Variants in PCDHGA5 observed in about 807,000 individuals in gnomAD.
PCDHGA5 encodes protocadherin gamma-A5.
A neutral mutation model predicts 56.7 loss-of-function variants in PCDHGA5; 36 were observed. The observed-to-expected ratio is 0.64, with a 90% CI of 0.49 to 0.84. The LOEUF is 0.84. Among genes scored for constraint, PCDHGA5 ranks in the 40% least tolerant of loss-of-function variants. PCDHGA5 has a pLI of 0.00. For missense variants in PCDHGA5, 1,305 were observed against 1,201.5 expected, an observed-to-expected ratio of 1.09 and a Z score of -1.27; for synonymous variants, 563 against 520.2, an observed-to-expected ratio of 1.08 and a Z score of -1.12.
chr5:141,409,183 C>G (rs1217234895), intron 1 of PCDHGA5: 6 of 1,614,028 alleles, frequency 3.7e-6, no homozygotes, highest in Non-Finnish European at 5.1e-6. Context: ...GAGGTGGTCT[C>G]TCTACCCAGT....
intron 1 of PCDHGA5, among the ~76,000 whole-genome samples, chr5:141,425,485 A>G (rs2096878362): frequency 6.6e-6 from 1 of 152,274 alleles, no homozygotes; most frequent in Non-Finnish European, 1.5e-5. Context: ...ATGGCAACCT[A>G]CTAGGCTATA....
intron 1 of PCDHGA5, among the ~76,000 whole-genome samples, chr5:141,458,201 T>C (rs973995736): frequency 6.6e-6 from 1 of 152,168 alleles, no homozygotes; most frequent in African/African-American, 2.4e-5. Context: ...AGGCCATAAA[T>C]AGTTTAAAAT....
intron 1 of PCDHGA5, chr5:141,384,094 G>T: frequency 6.3e-7 from 1 of 1,596,384 alleles, no homozygotes. Flanking sequence ...AAAATCAATA[G>T]ATAATTATTA....
intron 3 of PCDHGA5, among the ~76,000 whole-genome samples, chr5:141,507,784 T>C (rs2099863290): frequency 6.6e-6 from 1 of 152,136 alleles, no homozygotes; most frequent in Non-Finnish European, 1.5e-5. Context: ...GGCCTGACCC[T>C]CGTCTAAGCC....
chr5:141,387,929 A>C, intron 1 of PCDHGA5: 1 of 1,235,330 alleles, frequency 8.1e-7, no homozygotes, highest in Non-Finnish European at 1.1e-6. Flanking sequence ...AGAGGCTGCC[A>C]GTGCTCTTTC....
chr5:141,403,038 G>A, intron 1 of PCDHGA5: 1 of 1,614,088 alleles, frequency 6.2e-7, no homozygotes, highest in Non-Finnish European at 8.5e-7. Context: ...GCCAGGGCCA[G>A]TCAGATTCGC....
intron 1 of PCDHGA5, among the ~76,000 whole-genome samples, chr5:141,446,322 C>A (rs1561922470): frequency 2.0e-5 from 3 of 151,968 alleles, no homozygotes; most frequent in South Asian, 4.1e-4. Flanking sequence ...TGGGTTTCCA[C>A]ATTAAGGAAC....
chr5:141,370,759 T>A, intron 1 of PCDHGA5: 1 of 1,614,022 alleles, frequency 6.2e-7, no homozygotes, highest in Non-Finnish European at 8.5e-7. Context: ...GTAACTGTGC[T>A]GATCCAGGAT....
At chr5:141,421,224 T>G (rs1401875673) in intron 1 of PCDHGA5, 2 of 1,582,072 alleles carry the variant, frequency 1.3e-6, no homozygotes, top group Admixed American at 3.6e-5. Flanking sequence ...GCTTAGAGCC[T>G]GCCATGGCGA....
At chr5:141,482,205 C>T (rs1478729653) in intron 1 of PCDHGA5, among the ~76,000 whole-genome samples, 1 of 151,896 alleles carries the variant, frequency 6.6e-6, no homozygotes, top group Non-Finnish European at 1.5e-5. Context: ...TAAAACAGAC[C>T]AGGTACTTGT....
chr5:141,392,305 GT>G (rs148037308), intron 1 of PCDHGA5: 5,240 of 152,054 alleles, frequency 0.034, 107 homozygotes, highest in Middle Eastern at 0.088. Flanking sequence ...AAAGTATCAT[GT>G]TTTTTTTAAG....
intron 1 of PCDHGA5, among the ~76,000 whole-genome samples, chr5:141,456,250 C>T (rs1244300374): frequency 4.6e-5 from 7 of 152,014 alleles, no homozygotes; most frequent in African/African-American, 1.7e-4. Context: ...AGGCTTTGGG[C>T]GACCATTGCT....
chr5:141,494,909 T>G (rs764123148), intron 2 of PCDHGA5, 44 bp downstream of exon 2: 1 of 1,614,042 alleles, frequency 6.2e-7, no homozygotes, highest in Admixed American at 1.7e-5. Flanking sequence ...CTGCGGCATT[T>G]TCTCAGGGAT....
chr5:141,364,248 G>A lies in PCDHGA5; in HGVS notation c.-83G>A. 1 of 1,480,674 alleles carries A rather than the reference G, an allele frequency of 6.8e-7. No individual in the cohort carries two copies. 91.7% of individuals were successfully genotyped at this position (1,480,674 alleles called of 1,614,324 possible). On this transcript the variant is annotated 5_prime_UTR_variant, in exon 1 of 4. Coordinates refer to ENST00000518069, the MANE Select transcript of PCDHGA5 (RefSeq NM_018918.3). Reference sequence around the variant, plus strand: ...ACGCTCCACGCCCATTTTCGTCAGGGAATATGTACCCATCGGCTTTAGATA... The same window carrying A: ...ACGCTCCACGCCCATTTTCGTCAGGAAATATGTACCCATCGGCTTTAGATA...
chr5:141,481,913 C>CA (rs34114744), intron 1 of PCDHGA5, among the ~76,000 whole-genome samples: 1,134 of 90,654 alleles, frequency 0.013, 16 homozygotes, highest in East Asian at 0.053. Flanking sequence ...AACTCCATCT[C>CA]AAAAAAAAAA....
In PCDHGA5 at chr5:141,505,466, T is replaced by C. The variant is rs763151131; in HGVS notation, c.2554T>C (p.Leu852=). 1 of 1,614,200 alleles carries C rather than the reference T, an allele frequency of 6.2e-7. No individual in the cohort carries two copies. The highest frequency in any genetic ancestry group is 1.3e-5 in the African/African-American group (1 of 75,068). The part of the protein sequence containing the change: ...FDTEMLQAMI[L]ASASEAADGS... Reference sequence around the variant, plus strand: ...CACAGAGATGCTGCAAGCCATGATCTTGGCGTCCGCCAGTGGTAAGTGGTG... The same window carrying C: ...CACAGAGATGCTGCAAGCCATGATCCTGGCGTCCGCCAGTGGTAAGTGGTG... The change falls in exon 3 of 4, where the codon TTG becomes CTG. Residue 852 remains leucine, a synonymous_variant. Transcript: ENST00000518069.
At chr5:141,410,487 A>G in intron 1 of PCDHGA5, 1 of 1,613,970 alleles carries the variant, frequency 6.2e-7, no homozygotes, top group Non-Finnish European at 8.5e-7. Context: ...ACGGGTACAA[A>G]AGAGTTTAAT....
chr5:141,430,245 G>C (rs1000418420), intron 1 of PCDHGA5, among the ~76,000 whole-genome samples: 1 of 104,402 alleles, frequency 9.6e-6, no homozygotes, highest in African/African-American at 6.4e-5. Flanking sequence ...GAAACTCCTA[G>C]GGAGACATCT....
chr5:141,511,560 TC>T lies in PCDHGA5; in HGVS notation c.*390del. ...CCACCCCACTCCAACAGTTCCTCTT[TC>T]CCGAGTAAGGTGGTTGGGGTGTTGA... On this transcript the variant is annotated 3_prime_UTR_variant, in exon 4 of 4. Transcript: ENST00000518069. 3.3e-6 allele frequency: 1 copy of T among 298,990 alleles called. No individual in the cohort carries two copies. The highest frequency in any genetic ancestry group is 3.7e-5 in the South Asian group (1 of 27,250). The allele number at this position is 298,990 out of a possible 1,614,324, so 18.5% of individuals were successfully genotyped here. A position where few individuals can be genotyped will look rare whatever the true frequency, so the allele number is the denominator to read the frequency against.
Sources: allele counts gnomAD v4.1 joint callset (sites outside exome capture counted in the v4.1 genomes callset), GRCh38; gene constraint gnomAD v4.1.1; transcripts MANE v1.5; gene names NCBI Gene and HGNC (gene_info 2026-07-23, HGNC 2026-07-21).